Variants in FILIP1L observed in about 807,000 individuals in gnomAD.
FILIP1L encodes filamin A interacting protein 1 like.
A neutral mutation model predicts 96.6 loss-of-function variants in FILIP1L; 55 were observed. That is an observed-to-expected ratio of 0.57 (90% CI 0.46 to 0.71). The LOEUF is 0.71. FILIP1L is among the 30% of genes least tolerant of loss of function. The probability of loss-of-function intolerance (pLI) is 0.00; values close to 1 mark genes in which losing one functional copy is unlikely to be tolerated. For missense variants in FILIP1L, 1,304 were observed against 1,321.2 expected, an observed-to-expected ratio of 0.99 and a Z score of 0.20; for synonymous variants, 467 against 473.9, an observed-to-expected ratio of 0.99 and a Z score of 0.19.
intron 4 of FILIP1L, among the ~76,000 whole-genome samples, chr3:99,862,951 A>T (rs1277956429): frequency 6.6e-6 from 1 of 152,170 alleles, no homozygotes; most frequent in African/African-American, 2.4e-5. Context: ...CCAAAGCCTC[A>T]CTGATGCTCT....
intron 4 of FILIP1L, among the ~76,000 whole-genome samples, chr3:99,885,363 A>T (rs987057784): frequency 6.6e-6 from 1 of 152,244 alleles, no homozygotes; most frequent in African/African-American, 2.4e-5. Context: ...GCATTCTAAG[A>T]TTTATAGAAG....
rs1367402869 is a variant in FILIP1L, at chr3:99,848,860, C to T, written c.2816G>A (p.Cys939Tyr). The change falls in exon 5 of 6, where the codon TGT becomes TAT. Residue 939 changes from cysteine to tyrosine, a missense_variant. Transcript: ENST00000477258. ...SYTSTAVIPN[C>Y]GTPKQRITIL... The stretch of plus-strand genomic sequence containing the variant: ...GGTTATCCTTTGCTTTGGCGTGCCA[C>T]AGTTCGGTATCACTGCAGTACTCGT... The T allele has an allele frequency of 1.2e-6, 2 of 1,614,072 alleles. No individual in the cohort carries two copies. The highest frequency in any genetic ancestry group is 1.7e-6 in the Non-Finnish European group (2 of 1,180,012).
intron 1 of FILIP1L, among the ~76,000 whole-genome samples, chr3:100,029,087 G>T (rs1305547729): frequency 6.6e-6 from 1 of 152,010 alleles, no homozygotes; most frequent in Admixed American, 6.6e-5. Context: ...GCTACCCTGG[G>T]AGCTGAGGCA....
intron 1 of FILIP1L, among the ~76,000 whole-genome samples, chr3:99,960,155 A>C (rs148063823): frequency 1.2e-4 from 18 of 152,316 alleles, no homozygotes; most frequent in African/African-American, 4.3e-4. Context: ...CCTGCCAAGT[A>C]CCGGAGAGAA....
At chr3:99,928,554 G>T (rs573553525) in intron 3 of FILIP1L, among the ~76,000 whole-genome samples, 174 of 152,242 alleles carry the variant, frequency 1.1e-3, no homozygotes, top group South Asian at 1.2e-3. Flanking sequence ...TGTAGAAGGG[G>T]GGTATTTCCA....
intron 4 of FILIP1L, 108 bp from the exon 5 acceptor site, chr3:99,851,178 T>A: frequency 1.0e-5 from 9 of 874,918 alleles, no homozygotes; most frequent in Non-Finnish European, 1.5e-5. Flanking sequence ...ATGAGCTGTG[T>A]CAGTTCATAT....
intron 1 of FILIP1L, among the ~76,000 whole-genome samples, chr3:99,956,290 T>C (rs1163862373): frequency 2.0e-5 from 3 of 152,180 alleles, no homozygotes; most frequent in Non-Finnish European, 2.9e-5. Context: ...TCTTTACACA[T>C]GTTCTCCTTT....
intron 1 of FILIP1L, among the ~76,000 whole-genome samples, chr3:99,961,871 G>A (rs1708502983): frequency 6.7e-6 from 1 of 149,982 alleles, no homozygotes; most frequent in African/African-American, 2.5e-5. Flanking sequence ...CACAAACCGG[G>A]TATGCATTAG....
chr3:99,916,437 T>TATAC (rs1706953337), intron 4 of FILIP1L, among the ~76,000 whole-genome samples: 1 of 137,068 alleles, frequency 7.3e-6, no homozygotes, highest in Non-Finnish European at 1.6e-5. Context: ...TAACGGTTTA[T>TATAC]ACACACACAC....
Position 99,829,749 on chromosome 3 carries a change from C to G in FILIP1L, c.*665G>C, listed in dbSNP as rs890772022. On this transcript the variant is annotated 3_prime_UTR_variant, in exon 6 of 6. Transcript: ENST00000477258. ...GCACCTGGAATATTGATTCATGTCT[C>G]CCTAAAATATCTCAATGTTACTGAG... Among the ~76,000 whole-genome samples the G allele has an allele frequency of 6.6e-6, 1 of 152,252 alleles. No homozygotes were observed. The highest frequency in any genetic ancestry group is 1.9e-4 in the East Asian group (1 of 5,186).
chr3:100,078,656 C>A (rs1432119510), intron 1 of FILIP1L, among the ~76,000 whole-genome samples: 2 of 151,954 alleles, frequency 1.3e-5, no homozygotes, highest in Non-Finnish European at 2.9e-5. Context: ...TTTGGGAGGC[C>A]GAGGCAGGCA....
intron 4 of FILIP1L, among the ~76,000 whole-genome samples, chr3:99,919,749 G>A (rs1239595959): frequency 6.6e-6 from 1 of 152,058 alleles, no homozygotes; most frequent in African/African-American, 2.4e-5. Flanking sequence ...AAGGATTGAT[G>A]GTGAAAATAC....
At chr3:99,924,430 G>A in intron 3 of FILIP1L, 22 bp from the exon 4 acceptor site, 1 of 1,606,706 alleles carries the variant, frequency 6.2e-7, no homozygotes, top group Non-Finnish European at 8.5e-7. Context: ...AACATTTATA[G>A]CCTGTTACCA....
chr3:99,867,933 G>C (rs771920443), intron 4 of FILIP1L, among the ~76,000 whole-genome samples: 2 of 152,126 alleles, frequency 1.3e-5, no homozygotes, highest in African/African-American at 2.4e-5. Context: ...TAAATTCAAA[G>C]TACAATTAAA....
intron 4 of FILIP1L, among the ~76,000 whole-genome samples, chr3:99,914,217 A>G (rs1048016124): frequency 5.3e-5 from 8 of 152,138 alleles, no homozygotes; most frequent in Admixed American, 4.6e-4. Context: ...CTGGATTTGG[A>G]CTCTAAGACT....
In FILIP1L at chr3:100,114,064, CGTGCAGGTGTT is replaced by C. The variant is rs1258565078; in HGVS notation, c.-33_-23del. 2.0e-5 allele frequency: 3 copies of C among 151,834 alleles called. No homozygotes were observed. The highest frequency in any genetic ancestry group is 4.4e-5 in the Non-Finnish European group (3 of 67,996). 9.4% of individuals were successfully genotyped at this position (151,834 alleles called of 1,614,324 possible). On this transcript the variant is annotated 5_prime_UTR_variant, in exon 1 of 6. The change abolishes the stop of an existing upstream ORF in the 5' untranslated region. Transcript: ENST00000477258. ...GACACTTAGCTTACCGTGCAGGTAC[CGTGCAGGTGTT>C]GATCACACCTGGTAATTCCTTCTTC...
chr3:100,064,210 C>T (rs1237684037), intron 1 of FILIP1L, among the ~76,000 whole-genome samples: 1 of 152,112 alleles, frequency 6.6e-6, no homozygotes, highest in Admixed American at 6.6e-5. Context: ...GTATTTAGGA[C>T]GTGTGGTGGA....
At chr3:99,959,659 G>A (rs956149899) in intron 1 of FILIP1L, among the ~76,000 whole-genome samples, 5 of 152,070 alleles carry the variant, frequency 3.3e-5, no homozygotes, top group Non-Finnish European at 5.9e-5. Flanking sequence ...TTTAGAGATG[G>A]AACAAAATTA....
At chr3:99,868,678 A>C (rs1944638149) in intron 4 of FILIP1L, among the ~76,000 whole-genome samples, 1 of 152,108 alleles carries the variant, frequency 6.6e-6, no homozygotes, top group African/African-American at 2.4e-5. Context: ...CACAAGCCTT[A>C]TTTGTCTTTT....
Sources: gnomAD v4.1 joint callset for allele counts (sites outside exome capture counted in the v4.1 genomes callset) on GRCh38, gnomAD v4.1.1 for gene constraint, MANE v1.5 for transcripts, NCBI Gene and HGNC (gene_info 2026-07-23, HGNC 2026-07-21) for gene names.